The following TASP1 variants were observed in gnomAD, a reference collection of about 807,000 sequenced individuals.
TASP1 encodes taspase 1, also known as threonine aspartase 1.
Under a neutral mutation model 56.6 loss-of-function variants are expected in TASP1, and 16 were observed. The ratio of observed to expected loss-of-function variants is 0.28; its 90% CI spans 0.19 to 0.43. The LOEUF (loss-of-function observed/expected upper bound fraction) is 0.43. TASP1 is among the 20% of genes least tolerant of loss of function. The pLI is 1.00. For synonymous variants in TASP1, 179 were observed against 184.2 expected, an observed-to-expected ratio of 0.97 and a Z score of 0.23; for missense variants, 393 against 511.6, an observed-to-expected ratio of 0.77 and a Z score of 2.24.
the TASP1 span, among the ~76,000 whole-genome samples, chr20:13,171,661 T>C: frequency 1.3e-5 from 2 of 152,188 alleles, no homozygotes; most frequent in African/African-American, 4.8e-5. Context: ...TTGTTTCTAA[T>C]AGCGAATTAG....
chr20:13,368,624 T>C, the TASP1 span: 2 of 152,116 alleles, frequency 1.3e-5, no homozygotes, highest in African/African-American at 2.4e-5. Context: ...ATGCAGATAG[T>C]GGTGGTTGCA....
At chr20:13,156,592 A>G in the TASP1 span, among the ~76,000 whole-genome samples, 2 of 152,348 alleles carry the variant, frequency 1.3e-5, no homozygotes, top group East Asian at 3.9e-4. Context: ...TGAAGATTAA[A>G]CAAAATGATG....
chr20:13,361,043 A>G, the TASP1 span, among the ~76,000 whole-genome samples: 1 of 152,070 alleles, frequency 6.6e-6, no homozygotes, highest in East Asian at 1.9e-4. Flanking sequence ...CATCGTGGAA[A>G]TCTATCCTCA....
chr20:13,460,461 G>C (rs866932483), intron 11 of TASP1, among the ~76,000 whole-genome samples: 1 of 151,976 alleles, frequency 6.6e-6, no homozygotes, highest in Admixed American at 6.6e-5. Context: ...AATATCATCT[G>C]CACACCATTG....
At chr20:13,569,318 T>G (rs939184319) in intron 7 of TASP1, among the ~76,000 whole-genome samples, 189 bp downstream of exon 7, 1 of 152,094 alleles carries the variant, frequency 6.6e-6, no homozygotes. Flanking sequence ...AAGGAAGCAG[T>G]GAGAAGACCT....
chr20:13,238,703 A>G, the TASP1 span, among the ~76,000 whole-genome samples: 1 of 152,194 alleles, frequency 6.6e-6, no homozygotes, highest in Non-Finnish European at 1.5e-5. Flanking sequence ...CTTCACATGG[A>G]GTCTGACCCA....
chr20:13,237,209 A>T, the TASP1 span, among the ~76,000 whole-genome samples: 2 of 152,240 alleles, frequency 1.3e-5, no homozygotes, highest in South Asian at 4.1e-4. Flanking sequence ...CAACATATCA[A>T]CATGCCCTTG....
At chr20:13,154,813 G>T in the TASP1 span, among the ~76,000 whole-genome samples, 1 of 152,086 alleles carries the variant, frequency 6.6e-6, no homozygotes, top group African/African-American at 2.4e-5. Context: ...AGTTTGGCAG[G>T]GACAATTTTA....
At chr20:13,596,436 G>A (rs1379484743) in intron 4 of TASP1, among the ~76,000 whole-genome samples, 1 of 151,048 alleles carries the variant, frequency 6.6e-6, no homozygotes, top group African/African-American at 2.4e-5. Context: ...TGACTACTGG[G>A]TAAATAACAA....
chr20:13,131,885 T>C, the TASP1 span, among the ~76,000 whole-genome samples: 1 of 152,156 alleles, frequency 6.6e-6, no homozygotes, highest in Non-Finnish European at 1.5e-5. Flanking sequence ...GACTGTGGTC[T>C]TCACAGCTTC....
chr20:13,567,741 T>C (rs1568592289), intron 7 of TASP1, among the ~76,000 whole-genome samples: 1 of 152,152 alleles, frequency 6.6e-6, no homozygotes, highest in Non-Finnish European at 1.5e-5. Flanking sequence ...GGGAAACTGA[T>C]TTTCAGTCTC....
chr20:13,117,459 C>T, the TASP1 span: 1 of 1,513,630 alleles, frequency 6.6e-7, no homozygotes, highest in Admixed American at 2.1e-5. Flanking sequence ...GACAGAGCTT[C>T]CCAGGAGGGT....
Position 13,485,851 on chromosome 20 carries a change from C to T in TASP1, c.875-2514G>A, listed in dbSNP as rs150070185. ...ACAATAATAACTGCTAGAAAATTGG[C>T]ATATTATAAACTAAATGAATGTTCA... is the stretch of plus-strand genomic sequence containing the variant. On this transcript the variant is annotated intron_variant, in intron 10 of 13. Coordinates refer to ENST00000337743, the MANE Select transcript of TASP1 (RefSeq NM_017714.3). Among the ~76,000 whole-genome samples the T allele has an allele frequency of 4.5e-3, 686 of 152,174 alleles. 4 individuals carry two copies. Among genetic ancestry groups the T allele is most frequent in the African/African-American group, 0.015 (613 of 41,528 alleles).
intron 4 of TASP1, among the ~76,000 whole-genome samples, chr20:13,588,336 G>A (rs1051414607): frequency 1.3e-5 from 2 of 151,030 alleles, no homozygotes; most frequent in African/African-American, 4.9e-5. Flanking sequence ...AAGGAAGGAA[G>A]GAAGGAAGGA....
At chr20:13,156,527 A>G in the TASP1 span, among the ~76,000 whole-genome samples, 1 of 152,180 alleles carries the variant, frequency 6.6e-6, no homozygotes, top group South Asian at 2.1e-4. Flanking sequence ...CTGAAGCTCC[A>G]GTTTTCTCAT....
chr20:13,169,957 G>C, the TASP1 span, among the ~76,000 whole-genome samples: 1 of 152,140 alleles, frequency 6.6e-6, no homozygotes, highest in Non-Finnish European at 1.5e-5. Flanking sequence ...TAAGTCTTCA[G>C]GATAACAAAG....
chr20:13,465,206 G>GA lies in TASP1; in HGVS notation c.985+18020dup, dbSNP rs1000825220. ...AAAAAAAAAAAAAAAAAAAGGAAAG[G>GA]AAAAAAAAAGGTTAAAATGGTAAAT... On this transcript the variant is annotated intron_variant, in intron 11 of 13. Transcript: ENST00000337743. Among the ~76,000 whole-genome samples, 518 of 141,304 alleles carry GA rather than the reference G, an allele frequency of 3.7e-3. 2 individuals are homozygous for GA. Among genetic ancestry groups the GA allele is most frequent in the East Asian group, 0.012 (59 of 4,868 alleles). The allele number at this position is 141,304 out of a possible 152,430, so 92.7% of individuals were successfully genotyped here.
chr20:13,234,324 A>G, the TASP1 span, among the ~76,000 whole-genome samples: 1 of 152,186 alleles, frequency 6.6e-6, no homozygotes, highest in African/African-American at 2.4e-5. Flanking sequence ...GTAGTATTCC[A>G]TGGTATATTT....
chr20:13,330,593 T>C, the TASP1 span, among the ~76,000 whole-genome samples: 1 of 152,224 alleles, frequency 6.6e-6, no homozygotes, highest in Non-Finnish European at 1.5e-5. Context: ...ACTGTTATTA[T>C]GTCTTCTTTA....
Sources: allele counts gnomAD v4.1 joint callset (sites outside exome capture counted in the v4.1 genomes callset), GRCh38; gene constraint gnomAD v4.1.1; transcripts MANE v1.5; gene names NCBI Gene and HGNC (gene_info 2026-07-23, HGNC 2026-07-21).